VPS13C: variants seen among roughly 807,000 people sequenced by gnomAD.
VPS13C encodes intermembrane lipid transfer protein VPS13C.
Under a neutral mutation model 456.8 loss-of-function variants are expected in VPS13C, and 358 were observed. The observed-to-expected ratio is 0.78, with a 90% confidence interval of 0.72 to 0.86. The LOEUF (loss-of-function observed/expected upper bound fraction) is 0.86. Among genes scored for constraint, VPS13C ranks in the 40% least tolerant of loss-of-function variants. The pLI is 0.00. For missense variants in VPS13C, 4,818 were observed against 4,385.4 expected, an observed-to-expected ratio of 1.10 and a Z score of -2.79; for synonymous variants, 1,578 against 1,486.7, an observed-to-expected ratio of 1.06 and a Z score of -1.41.
chr15:62,035,022 T>C lies in VPS13C; in HGVS notation c.218A>G (p.Asn73Ser). The C allele has an allele frequency of 6.2e-7, 1 of 1,607,868 alleles. No homozygotes were observed. The highest frequency in any genetic ancestry group is 8.5e-7 in the Non-Finnish European group (1 of 1,176,294). ...CGCAACAACTGCTTCTCCATAAAGG[T>C]TCTTCCAAGGAATCTTCAAAGTTAA... ...DKLTLKIPWK[N>S]LYGEAVVATL... is the part of the protein sequence containing the mutation. Residue 73 changes from asparagine to serine, a missense_variant, in exon 4 of 85, where the codon AAC becomes AGC. Asn to Ser is a conservative substitution (Grantham distance 46). This residue lies in a region of VPS13C where 4,552 missense variants were observed against 4,130.6 expected (regional missense o/e 1.10). Transcript: ENST00000644861.
chr15:61,936,406 A>T (rs910256426), intron 48 of VPS13C, among the ~76,000 whole-genome samples, 191 bp downstream of exon 48: 2 of 152,216 alleles, frequency 1.3e-5, no homozygotes, highest in African/African-American at 4.8e-5. Flanking sequence ...CACCATGCCA[A>T]CAACAAGTGA....
chr15:61,980,566 T>C (rs576157148), intron 22 of VPS13C, among the ~76,000 whole-genome samples: 4 of 152,262 alleles, frequency 2.6e-5, no homozygotes, highest in African/African-American at 4.8e-5. Flanking sequence ...AGATTTCCTA[T>C]GAGAAATCAT....
Position 61,983,830 on chromosome 15 carries a change from A to T in VPS13C, c.1904T>A (p.Ile635Asn), listed in dbSNP as rs772741830. Residue 635 changes from isoleucine to asparagine, a missense_variant, in exon 20 of 85, where the codon ATC becomes AAC. By Grantham distance (149) the Ile-to-Asn change is moderately radical. Around this residue, in one of 3 missense-constraint regions of VPS13C, gnomAD observed 4,552 missense variants for 4,130.6 expected, o/e 1.10. Coordinates refer to ENST00000644861, the MANE Select transcript of VPS13C (RefSeq NM_020821.3). ...LIVQSQPVEV[I>N]YDAKTVNAVV... ...TCTCCTTGCACTTACAGCATCATAG[A>T]TGACCTCCACAGGCTGGGACTGAAC... 20 of 1,613,870 alleles carry T rather than the reference A, an allele frequency of 1.2e-5. No homozygotes were observed. In the East Asian group the frequency reaches 4.5e-4, roughly 36 times the overall value.
In VPS13C at chr15:61,910,247, C is replaced by G. The variant is rs529490962; in HGVS notation, c.8774G>C (p.Cys2925Ser). Residue 2925 changes from cysteine (C) to serine (S), a missense_variant, in exon 64 of 85, where the codon TGT becomes TCT. Physicochemically the swap from Cys to Ser is moderately radical, Grantham distance 112. Around this residue, in one of 3 missense-constraint regions of VPS13C, gnomAD observed 4,552 missense variants for 4,130.6 expected, o/e 1.10. Coordinates refer to ENST00000644861, the MANE Select transcript of VPS13C (RefSeq NM_020821.3). ...AAAGAATGGTTTGGAAGATCCTTCA[C>G]AGCCCACCACTCTCACACAAAGTTT... is the stretch of plus-strand genomic sequence containing the variant. ...SGKLCVRVVG[C>S]EGSSKPFFYN... 9.2e-6 allele frequency: 14 copies of G among 1,527,146 alleles called. No individual in the cohort carries two copies. The highest frequency in any genetic ancestry group is 1.1e-5 in the Non-Finnish European group (12 of 1,131,398). The allele number at this position is 1,527,146 out of a possible 1,614,324, so 94.6% of individuals were successfully genotyped here.
At position 62,023,806 on chromosome 15, in the gene VPS13C, G is replaced by C. The variant is rs761958124; in HGVS notation, c.488C>G (p.Pro163Arg). The C allele has an allele frequency of 5.6e-6, 9 of 1,610,330 alleles. No homozygotes were observed. The highest frequency in any genetic ancestry group is 2.2e-5 in the East Asian group (1 of 44,680). Residue 163 changes from proline to arginine, a missense_variant, in exon 7 of 85, where the codon CCT (proline) becomes CGT (arginine). By Grantham distance (103) the Pro-to-Arg change is moderately radical. Around this residue, in one of 3 missense-constraint regions of VPS13C, gnomAD observed 4,552 missense variants for 4,130.6 expected, o/e 1.10. Coordinates refer to ENST00000644861, the MANE Select transcript of VPS13C (RefSeq NM_020821.3). ...TTTTGAACGATCAAGACCTTTAAAA[G>C]GTTTCTTAAAATGTTTTTTGTGCTT... ...RKKHKKHFKK[P>R]FKGLDRSKDK...
intron 68 of VPS13C, among the ~76,000 whole-genome samples, chr15:61,883,436 A>G (rs1336486758): frequency 1.3e-5 from 2 of 152,110 alleles, no homozygotes; most frequent in Admixed American, 1.3e-4. Flanking sequence ...AAGTATGGCC[A>G]AAATTGGTGG....
intron 9 of VPS13C, among the ~76,000 whole-genome samples, 176 bp downstream of exon 9, chr15:62,020,303 A>C (rs2047415590): frequency 6.6e-6 from 1 of 152,032 alleles, no homozygotes; most frequent in African/African-American, 2.4e-5. Flanking sequence ...AATAATTTTA[A>C]AATGTAATAA....
At chr15:61,875,001 A>G in intron 76 of VPS13C, 50 bp from the exon 77 acceptor site, 1 of 1,463,602 alleles carries the variant, frequency 6.8e-7, no homozygotes, top group Non-Finnish European at 9.0e-7. Context: ...TTTAAGTTTC[A>G]GACTTTTACT....
At chr15:61,963,052 G>C (rs192272799) in intron 32 of VPS13C, among the ~76,000 whole-genome samples, 200 bp from the exon 33 acceptor site, 2 of 152,198 alleles carry the variant, frequency 1.3e-5, no homozygotes, top group East Asian at 1.9e-4. Flanking sequence ...CAATGATTAT[G>C]TGACTTTTCA....
chr15:61,917,842 A>G (rs1364126565), intron 59 of VPS13C, among the ~76,000 whole-genome samples: 2 of 152,142 alleles, frequency 1.3e-5, no homozygotes, highest in Non-Finnish European at 2.9e-5. Flanking sequence ...TCTGAAAAGA[A>G]CAAACAAACA....
rs770884783 is a variant in VPS13C at position 62,035,024 on chromosome 15, C to A, written c.216G>T (p.Lys72Asn). Reference protein sequence around the residue: ...IDKLTLKIPWKNLYGEAVVAT... With the variant: ...IDKLTLKIPWNNLYGEAVVAT... ...CAACAACTGCTTCTCCATAAAGGTT[C>A]TTCCAAGGAATCTTCAAAGTTAATT... The change falls in exon 4 of 85, where the codon AAG becomes AAT. Residue 72 changes from lysine to asparagine, a missense_variant. Around this residue, in one of 3 missense-constraint regions of VPS13C, gnomAD observed 4,552 missense variants for 4,130.6 expected, o/e 1.10. Coordinates refer to ENST00000644861, the MANE Select transcript of VPS13C (RefSeq NM_020821.3). 3.7e-6 allele frequency: 6 copies of A among 1,607,624 alleles called. No homozygotes were observed. The highest frequency in any genetic ancestry group is 5.1e-6 in the Non-Finnish European group (6 of 1,176,252).
intron 35 of VPS13C, among the ~76,000 whole-genome samples, chr15:61,960,800 G>A (rs1188873940): frequency 6.6e-6 from 1 of 152,278 alleles, no homozygotes; most frequent in East Asian, 1.9e-4. Context: ...TGGTGGCCTG[G>A]TGCGATGGCT....
At chr15:62,036,541 C>T (rs1325423941) in intron 3 of VPS13C, among the ~76,000 whole-genome samples, 1 of 152,014 alleles carries the variant, frequency 6.6e-6, no homozygotes, top group Admixed American at 6.6e-5. Flanking sequence ...GGGAAGTCTA[C>T]AACGCTCTGG....
intron 61 of VPS13C, among the ~76,000 whole-genome samples, chr15:61,913,748 C>T (rs1468487971): frequency 6.6e-6 from 1 of 152,100 alleles, no homozygotes; most frequent in African/African-American, 2.4e-5. Flanking sequence ...AGACTTATGA[C>T]ATAGAGCTAA....
intron 6 of VPS13C, among the ~76,000 whole-genome samples, chr15:62,024,569 G>A (rs375256434): frequency 1.3e-5 from 2 of 152,098 alleles, no homozygotes; most frequent in East Asian, 3.9e-4. Flanking sequence ...CTGATCTCTA[G>A]TCTCCAGCCT....
chr15:62,000,138 G>C (rs1194189995), intron 16 of VPS13C, among the ~76,000 whole-genome samples: 1 of 152,042 alleles, frequency 6.6e-6, no homozygotes, highest in Non-Finnish European at 1.5e-5. Context: ...GAGGTGAGTG[G>C]ATCACCTGAG....
chr15:61,878,742 T>C lies in VPS13C; in HGVS notation c.10007A>G (p.His3336Arg). The C allele has an allele frequency of 6.2e-7, 1 of 1,603,078 alleles. No homozygotes were observed. Among genetic ancestry groups the C allele is most frequent in the South Asian group, 1.1e-5 (1 of 89,472 alleles). ...EHFHISPVKL[H>R]LSLSLGSGGE... ...TCCGGAACCCAAAGACAAACTCAAATGCAACTAAAAGAAAAATAATGTTCA... is the reference window on the plus strand; with the variant it reads ...TCCGGAACCCAAAGACAAACTCAAACGCAACTAAAAGAAAAATAATGTTCA... Residue 3336 changes from histidine to arginine, a missense_variant, in exon 74 of 85, where the codon CAT becomes CGT. By Grantham distance (29) the His-to-Arg change is conservative (BLOSUM62 0). Around this residue, in one of 3 missense-constraint regions of VPS13C, gnomAD observed 4,552 missense variants for 4,130.6 expected, o/e 1.10. Transcript: ENST00000644861.
intron 81 of VPS13C, chr15:61,865,781 T>A: frequency 8.3e-6 from 6 of 725,142 alleles, no homozygotes; most frequent in Non-Finnish European, 9.8e-6. Flanking sequence ...TATATATGTA[T>A]GTGTATATAT....
intron 4 of VPS13C, 82 bp downstream of exon 4, chr15:62,034,875 A>G: frequency 4.4e-6 from 4 of 902,310 alleles, no homozygotes; most frequent in Non-Finnish European, 6.7e-6. Context: ...CTTAATAAAT[A>G]AATGTATTAA....
Sources: allele counts gnomAD v4.1 joint callset (sites outside exome capture counted in the v4.1 genomes callset), GRCh38; gene constraint gnomAD v4.1.1; regional missense constraint gnomAD v4.1.1; transcripts MANE v1.5; gene names NCBI Gene and HGNC (gene_info 2026-07-23, HGNC 2026-07-21).